The following TRPC4AP variants were observed in gnomAD, a reference collection of about 807,000 sequenced individuals.
TRPC4AP encodes transient receptor potential cation channel subfamily C member 4 associated protein, also known as short transient receptor potential channel 4-associated protein.
In TRPC4AP, 45 loss-of-function variants were observed where a neutral mutation model predicts 99.0. The ratio of observed to expected loss-of-function variants is 0.45; its 90% CI spans 0.36 to 0.58. The LOEUF (loss-of-function observed/expected upper bound fraction) is 0.58, where lower values mean the gene tolerates loss of function less well. Ranked by LOEUF, TRPC4AP falls within the 20% of genes least tolerant of loss-of-function variation. The pLI, the probability that TRPC4AP is intolerant of heterozygous loss-of-function variation, is 0.00. For missense variants in TRPC4AP, 879 were observed against 985.3 expected, an observed-to-expected ratio of 0.89 and a Z score of 1.44; for synonymous variants, 408 against 385.8, an observed-to-expected ratio of 1.06 and a Z score of -0.67.
chr20:35,073,411 G>A (rs1483291990), intron 2 of TRPC4AP, among the ~76,000 whole-genome samples: 2 of 151,684 alleles, frequency 1.3e-5, no homozygotes, highest in African/African-American at 2.4e-5. Context: ...ATTGGCTGTG[G>A]GTCTGTCATA....
rs549469871 is a variant in TRPC4AP at position 35,064,366 on chromosome 20, A to G, written c.414+4930T>C. Among the ~76,000 whole-genome samples, 3 of 152,338 alleles carry G rather than the reference A, an allele frequency of 2.0e-5. No individual in the cohort carries two copies. In the South Asian group the frequency reaches 6.2e-4, roughly 32 times the overall value. On this transcript the variant is annotated intron_variant, in intron 3 of 18. Transcript: ENST00000252015. ...CCAGCAGGCAAATCTTTGAGACTAG[A>G]CAGTTCAGCTTGAGGGTCTGAGAAA...
intron 1 of TRPC4AP, among the ~76,000 whole-genome samples, chr20:35,087,485 G>C (rs576142129): frequency 6.6e-6 from 1 of 152,258 alleles, no homozygotes; most frequent in African/African-American, 2.4e-5. Flanking sequence ...TCTGTCACCA[G>C]ATTGCCAAAC....
chr20:35,092,493 T>C, intron 1 of TRPC4AP, 121 bp downstream of exon 1: 1 of 1,239,350 alleles, frequency 8.1e-7, no homozygotes, highest in Non-Finnish European at 1.1e-6. Context: ...CAGGGAGGCC[T>C]TCCGGCCAGC....
intron 17 of TRPC4AP, among the ~76,000 whole-genome samples, chr20:35,004,207 G>A (rs1045404983): frequency 1.3e-5 from 2 of 152,228 alleles, no homozygotes; most frequent in Admixed American, 6.5e-5. Flanking sequence ...TGTGAGGGAC[G>A]TGGACATGGG....
In TRPC4AP at chr20:35,057,507, T is replaced by C. The variant is rs370314822; in HGVS notation, c.472+7A>G. 1.9e-6 allele frequency: 3 copies of C among 1,610,250 alleles called. No individual in the cohort carries two copies. The highest frequency in any genetic ancestry group is 2.7e-5 in the African/African-American group (2 of 74,746). ...AACAAGGACCAGTAGCTAATAGGTA[T>C]ACTTACTTTTCAGTTTCTGTCCCCG... On this transcript the variant is annotated splice_region_variant and intron_variant, in intron 4 of 18. Transcript: ENST00000252015.
rs927514689 is a variant in TRPC4AP, at chr20:35,030,231, A to G, written c.1051+4892T>C. 18 of 114,670 alleles carry G rather than the reference A, an allele frequency of 1.6e-4. No homozygotes were observed. In the South Asian group the frequency reaches 5.5e-3, roughly 35 times the overall value. The allele number at this position is 114,670 out of a possible 1,614,324, so 7.1% of individuals were successfully genotyped here. ...ACTTCAGCCTGAGTAACAAGAGCGAAACTCCATATCAAAAAAAAAAAAAAA... is the reference window on the plus strand; with the variant it reads ...ACTTCAGCCTGAGTAACAAGAGCGAGACTCCATATCAAAAAAAAAAAAAAA... On this transcript the variant is annotated intron_variant, in intron 8 of 18. Transcript: ENST00000252015.
chr20:35,081,946 T>C (rs534395068), intron 1 of TRPC4AP, among the ~76,000 whole-genome samples: 10 of 151,922 alleles, frequency 6.6e-5, no homozygotes, highest in Non-Finnish European at 1.0e-4. Flanking sequence ...GAATGCACCA[T>C]TGCACTCCAG....
intron 1 of TRPC4AP, among the ~76,000 whole-genome samples, chr20:35,085,402 A>T (rs1569156266): frequency 6.6e-6 from 1 of 152,170 alleles, no homozygotes; most frequent in Non-Finnish European, 1.5e-5. Flanking sequence ...GCTTGATCCC[A>T]GGAGTTTAAG....
chr20:35,055,577 A>AG (rs2083807257), intron 4 of TRPC4AP, among the ~76,000 whole-genome samples: 1 of 152,226 alleles, frequency 6.6e-6, no homozygotes, highest in Admixed American at 6.5e-5. Flanking sequence ...GCACAATCAC[A>AG]GCTCACTGTA....
At chr20:35,013,129 C>G in intron 10 of TRPC4AP, 63 bp from the exon 11 acceptor site, 1 of 1,520,442 alleles carries the variant, frequency 6.6e-7, no homozygotes, top group Non-Finnish European at 9.1e-7. Context: ...ATAACACAAG[C>G]AGACACTCTG....
In TRPC4AP at chr20:35,007,563, C is replaced by T. The variant is rs2082540859; in HGVS notation, c.1673G>A (p.Arg558Gln). Residue 558 changes from arginine (R) to glutamine (Q), a missense_variant, in exon 14 of 19, where the codon CGA becomes CAA. Arg to Gln is a conservative substitution (Grantham distance 43). This residue lies in a region of TRPC4AP where 52 missense variants were observed against 88.7 expected (regional missense o/e 0.59). Transcript: ENST00000252015. ...TCCAGATCATACCTCCAAGAGGCCT[C>T]GCTTCAGCAGGAACATCTGGTCTGC... Reference protein sequence around the residue: ...SYADQMFLLKRGLLEHILYCI... With the variant: ...SYADQMFLLKQGLLEHILYCI... 1.2e-6 allele frequency: 2 copies of T among 1,614,076 alleles called. No individual in the cohort carries two copies. The highest frequency in any genetic ancestry group is 8.5e-7 in the Non-Finnish European group (1 of 1,180,026).
At position 35,003,046 on chromosome 20, in the gene TRPC4AP, C is replaced by A; in HGVS notation, c.*100G>T. ...CCTGTACCCAAAGACCTGGGGCAGG[C>A]AGAGAGCAGCAGGGAGGAACGGGAA... is the stretch of plus-strand genomic sequence containing the variant. On this transcript the variant is annotated 3_prime_UTR_variant, in exon 19 of 19. Coordinates refer to ENST00000252015, the MANE Select transcript of TRPC4AP (RefSeq NM_015638.3). 1 of 1,514,550 alleles carries A rather than the reference C, an allele frequency of 6.6e-7. No individual in the cohort carries two copies. The highest frequency in any genetic ancestry group is 1.2e-5 in the South Asian group (1 of 80,830). 93.8% of individuals were successfully genotyped at this position (1,514,550 alleles called of 1,614,324 possible).
intron 2 of TRPC4AP, among the ~76,000 whole-genome samples, chr20:35,073,085 T>C (rs1227124751): frequency 6.6e-6 from 1 of 151,890 alleles, no homozygotes; most frequent in Non-Finnish European, 1.5e-5. Context: ...CTGTCTGTTA[T>C]TGGTGTATAG....
chr20:35,029,369 A>G (rs181986250), intron 8 of TRPC4AP, among the ~76,000 whole-genome samples: 2 of 152,290 alleles, frequency 1.3e-5, no homozygotes, highest in East Asian at 3.9e-4. Context: ...TGTTTTCTAT[A>G]GGCTGCATAT....
At chr20:35,067,852 G>A (rs1182083987) in intron 3 of TRPC4AP, among the ~76,000 whole-genome samples, 3 of 152,100 alleles carry the variant, frequency 2.0e-5, no homozygotes, top group Non-Finnish European at 4.4e-5. Context: ...AGGGGGAGGA[G>A]GTGGTAGAGG....
intron 5 of TRPC4AP, among the ~76,000 whole-genome samples, chr20:35,052,043 A>G (rs1053952959): frequency 1.3e-5 from 2 of 152,048 alleles, no homozygotes; most frequent in Non-Finnish European, 2.9e-5. Context: ...GTATGCAACT[A>G]CATTTTTCGG....
chr20:35,036,712 C>T (rs1161080487), intron 7 of TRPC4AP, among the ~76,000 whole-genome samples: 1 of 151,566 alleles, frequency 6.6e-6, no homozygotes, highest in Non-Finnish European at 1.5e-5. Flanking sequence ...TTTGGGAGGC[C>T]AAGGTGGGTG....
At chr20:35,037,542 A>G (rs570124418) in intron 7 of TRPC4AP, among the ~76,000 whole-genome samples, 6 of 152,306 alleles carry the variant, frequency 3.9e-5, no homozygotes, top group African/African-American at 1.4e-4. Context: ...AGGGATAAAC[A>G]AACTGTGGTA....
Position 35,004,465 on chromosome 20 carries a change from A to G in TRPC4AP, c.2042T>C (p.Leu681Pro). 6.2e-7 allele frequency: 1 copy of G among 1,613,238 alleles called. No individual in the cohort carries two copies. The highest frequency in any genetic ancestry group is 8.5e-7 in the Non-Finnish European group (1 of 1,179,522). Residue 681 changes from leucine to proline, a missense_variant, in exon 17 of 19, where the codon CTG becomes CCG. Around this residue, in one of 3 missense-constraint regions of TRPC4AP, gnomAD observed 224 missense variants for 264.7 expected, o/e 0.85. Transcript: ENST00000252015. ...RLINIIHVQT[L>P]TQENVSCLNT... ...TCTGCCGGGGCCTCTCACCTGGGTC[A>G]GCGTCTGCACGTGGATGATGTTGAT...
Sources: allele counts gnomAD v4.1 joint callset (sites outside exome capture counted in the v4.1 genomes callset), GRCh38; gene constraint gnomAD v4.1.1; regional missense constraint gnomAD v4.1.1; transcripts MANE v1.5; gene names NCBI Gene and HGNC (gene_info 2026-07-23, HGNC 2026-07-21).